UBAP2L: variants seen among roughly 807,000 people sequenced by gnomAD.
UBAP2L encodes the protein ubiquitin-associated protein 2-like.
Under a neutral mutation model 130.6 loss-of-function variants are expected in UBAP2L, and 12 were observed. That is an observed-to-expected ratio of 0.09 (90% confidence interval 0.06 to 0.15). The LOEUF (loss-of-function observed/expected upper bound fraction) is 0.15, where lower values mean the gene tolerates loss of function less well. Among genes scored for constraint, UBAP2L ranks in the 10% least tolerant of loss-of-function variants. The probability of loss-of-function intolerance (pLI) is 1.00; values close to 1 mark genes in which losing one functional copy is unlikely to be tolerated. For synonymous variants in UBAP2L, 503 were observed against 524.7 expected (o/e 0.96, Z 0.57); for missense variants, 965 against 1,332.5 (o/e 0.72, Z 4.29).
At chr1:154,261,788 A>T in intron 24 of UBAP2L, 91 bp downstream of exon 24, 2 of 1,344,698 alleles carry the variant, frequency 1.5e-6, no homozygotes, top group African/African-American at 2.9e-5. Flanking sequence ...AGAAAATGGG[A>T]TTGGTGAGGG....
Position 154,261,097 on chromosome 1 carries a change from T to G in UBAP2L, c.2784T>G (p.Pro928=), listed in dbSNP as rs1287651067. Reference sequence around the variant, plus strand: ...TCCCCAGCACCTTCCAGTATGGGCCTGCTGTGTTCCCTGTGAGTACCTGGC... The same window carrying G: ...TCCCCAGCACCTTCCAGTATGGGCCGGCTGTGTTCCCTGTGAGTACCTGGC... ...PGLPSTFQYG[P]AVFPVAPTSS... Residue 928 remains proline, a synonymous_variant, in exon 23 of 27, where the codon CCT becomes CCG. Coordinates refer to ENST00000428931, the MANE Select transcript of UBAP2L (RefSeq NM_014847.4). 1 of 1,613,806 alleles carries G rather than the reference T, an allele frequency of 6.2e-7. No individual in the cohort carries two copies. Among genetic ancestry groups the G allele is most frequent in the Non-Finnish European group, 8.5e-7 (1 of 1,179,854 alleles).
intron 24 of UBAP2L, among the ~76,000 whole-genome samples, chr1:154,264,517 C>T (rs1324467173): frequency 6.6e-6 from 1 of 152,168 alleles, no homozygotes; most frequent in African/African-American, 2.4e-5. Context: ...ATGGCTACTA[C>T]AGAGTATTAT....
intron 2 of UBAP2L, among the ~76,000 whole-genome samples, chr1:154,225,539 A>G (rs866539192): frequency 6.6e-6 from 1 of 151,466 alleles, no homozygotes. Context: ...CACAGTCACC[A>G]TTCATTTGTA....
At chr1:154,226,377 C>G (rs1667931134) in intron 2 of UBAP2L, among the ~76,000 whole-genome samples, 1 of 152,076 alleles carries the variant, frequency 6.6e-6, no homozygotes, top group African/African-American at 2.4e-5. Context: ...TTTCTCATAC[C>G]AGGTTGATGT....
In UBAP2L at chr1:154,267,880, C is replaced by CTTTTT. The variant is rs869153080; in HGVS notation, c.2971-855_2971-851dup. Among the ~76,000 whole-genome samples, 128 of 52,082 alleles carry CTTTTT rather than the reference C, an allele frequency of 2.5e-3. 15 individuals carry two copies. The highest frequency in any genetic ancestry group is 3.9e-3 in the African/African-American group (47 of 12,164). The allele number at this position is 52,082 out of a possible 152,430, so 34.2% of individuals were successfully genotyped here. On this transcript the variant is annotated intron_variant, in intron 25 of 26. Transcript: ENST00000428931. The stretch of plus-strand genomic sequence containing the variant: ...TCCACATTCCATCCTCTTATTTGGT[C>CTTTTT]TTTTTTTTTTTTTTTTTTTTTTTTT...
At position 154,235,326 on chromosome 1, in the gene UBAP2L, A is replaced by T. The variant is rs746667993; in HGVS notation, c.544+35A>T. On this transcript the variant is annotated intron_variant, in intron 6 of 26. Transcript: ENST00000428931. ...TTGTTGGGGGATGGATATTGGGGGC[A>T]GGTTACTCTTTATTCATTAATGGTC... is the stretch of plus-strand genomic sequence containing the variant. 4.1e-6 allele frequency: 3 copies of T among 730,624 alleles called. No homozygotes were observed. In the Admixed American group the frequency reaches 6.9e-5, roughly 17 times the overall value. The allele number at this position is 730,624 out of a possible 1,614,324, so 45.3% of individuals were successfully genotyped here. A position where few individuals can be genotyped will look rare whatever the true frequency, so the allele number is the denominator to read the frequency against.
intron 10 of UBAP2L, among the ~76,000 whole-genome samples, chr1:154,244,125 T>G (rs1674518681): frequency 6.6e-6 from 1 of 152,164 alleles, no homozygotes; most frequent in Non-Finnish European, 1.5e-5. Context: ...AGGGAATATT[T>G]TTAATTCGCT....
chr1:154,269,164 C>CT (rs1684182063), intron 26 of UBAP2L: 1 of 853,622 alleles, frequency 1.2e-6, no homozygotes, highest in Non-Finnish European at 1.8e-6. Flanking sequence ...GGGTTGAAAC[C>CT]TTTTTTGCCC....
Position 154,234,848 on chromosome 1 carries a change from G to C in UBAP2L, c.448+89G>C, listed in dbSNP as rs1048403123. The C allele has an allele frequency of 5.3e-6, 8 of 1,514,406 alleles. No homozygotes were observed. The African/African-American group carries it at 8.3e-5, about 16-fold the overall frequency. 93.8% of individuals were successfully genotyped at this position (1,514,406 alleles called of 1,614,324 possible). A position where few individuals can be genotyped will look rare whatever the true frequency, so the allele number is the denominator to read the frequency against. On this transcript the variant is annotated intron_variant, in intron 5 of 26. Transcript: ENST00000428931. The stretch of plus-strand genomic sequence containing the variant: ...CAGGGCCCTGCTAGTCAGGACCTAG[G>C]AACCATTATATTATCCTTTTGCTTT...
intron 1 of UBAP2L, among the ~76,000 whole-genome samples, chr1:154,223,472 A>G (rs1202698211): frequency 2.0e-5 from 3 of 152,046 alleles, no homozygotes; most frequent in Admixed American, 1.3e-4. Context: ...ATATACGTAT[A>G]TATGTGTATA....
downstream of UBAP2L, chr1:154,270,910 T>G: frequency 1.3e-6 from 2 of 1,550,468 alleles, no homozygotes; most frequent in Non-Finnish European, 1.7e-6. Context: ...ATGACCAGCT[T>G]GGTGAATAAG....
intron 22 of UBAP2L, among the ~76,000 whole-genome samples, chr1:154,260,391 C>G (rs1571934422): frequency 6.6e-6 from 1 of 152,190 alleles, no homozygotes; most frequent in South Asian, 2.1e-4. Context: ...CTAGCTTTTT[C>G]CAGGAAATAC....
chr1:154,256,878 A>G (rs1679850587), intron 18 of UBAP2L, among the ~76,000 whole-genome samples, 185 bp from the exon 19 acceptor site: 1 of 152,206 alleles, frequency 6.6e-6, no homozygotes, highest in Admixed American at 6.5e-5. Flanking sequence ...GTCTTGAGGA[A>G]TATGTAGCTG....
At chr1:154,225,361 C>A in intron 2 of UBAP2L, 148 bp downstream of exon 2, 1 of 802,394 alleles carries the variant, frequency 1.2e-6, no homozygotes, top group Non-Finnish European at 2.0e-6. Flanking sequence ...TTACTTAGGT[C>A]CTGATAACTG....
intron 10 of UBAP2L, among the ~76,000 whole-genome samples, chr1:154,243,812 A>G (rs931673022): frequency 2.6e-5 from 4 of 152,194 alleles, no homozygotes; most frequent in African/African-American, 9.7e-5. Flanking sequence ...ATGGAAGTTG[A>G]TATGTTACAA....
chr1:154,259,810 T>C, intron 21 of UBAP2L, 138 bp from the exon 22 acceptor site: 1 of 947,360 alleles, frequency 1.1e-6, no homozygotes, highest in Non-Finnish European at 1.7e-6. Context: ...GAGTTTGTGC[T>C]AACTCTAGCC....
chr1:154,256,532 G>T lies in UBAP2L; in HGVS notation c.2158-531G>T, dbSNP rs553640761. Among the ~76,000 whole-genome samples the T allele has an allele frequency of 3.3e-5, 5 of 152,216 alleles. No homozygotes were observed. In the South Asian group the frequency reaches 1.0e-3, roughly 32 times the overall value. On this transcript the variant is annotated intron_variant, in intron 18 of 26. Transcript: ENST00000428931. ...TACATTCGTAGAGTCCTAGCTACTC[G>T]GGAGGCTGAAGTGGAAGGACTGTTT...
intron 4 of UBAP2L, among the ~76,000 whole-genome samples, chr1:154,229,367 T>C (rs1016549945): frequency 6.6e-6 from 1 of 152,124 alleles, no homozygotes; most frequent in African/African-American, 2.4e-5. Flanking sequence ...TTTATGCTTG[T>C]CTTATGTTTG....
intron 8 of UBAP2L, among the ~76,000 whole-genome samples, chr1:154,240,492 C>A (rs531710110): frequency 6.6e-6 from 1 of 152,226 alleles, no homozygotes; most frequent in South Asian, 2.1e-4. Context: ...GTTTCAAGTT[C>A]TATATGAGTA....
Sources: allele counts gnomAD v4.1 joint callset (sites outside exome capture counted in the v4.1 genomes callset), GRCh38; gene constraint gnomAD v4.1.1; transcripts MANE v1.5; gene names NCBI Gene and HGNC (gene_info 2026-07-23, HGNC 2026-07-21).